The following GTF2A1L variants were observed in gnomAD, a reference collection of about 807,000 sequenced individuals.
GTF2A1L encodes the protein TFIIA-alpha and beta-like factor.
GTF2A1L carries 48 observed loss-of-function variants against 49.7 expected under a neutral mutation model. The observed-to-expected ratio is 0.97, with a 90% CI of 0.77 to 1.23. The LOEUF (loss-of-function observed/expected upper bound fraction) is 1.23. GTF2A1L is among the 50% of genes most tolerant of loss of function. The pLI is 0.00. For missense variants in GTF2A1L, 736 were observed against 564.8 expected (o/e 1.30, Z -3.07); for synonymous variants, 246 against 193.5 (o/e 1.27, Z -2.25).
At chr2:48,655,990 G>T (rs1353821328) in intron 6 of GTF2A1L, among the ~76,000 whole-genome samples, 2 of 152,140 alleles carry the variant, frequency 1.3e-5, no homozygotes, top group African/African-American at 2.4e-5. Flanking sequence ...GTTCATCCAT[G>T]TTGTAGCATG....
intron 3 of GTF2A1L, among the ~76,000 whole-genome samples, chr2:48,622,415 A>G (rs12992968): frequency 0.075 from 11,442 of 152,200 alleles, 498 homozygotes; most frequent in Non-Finnish European, 0.1. Context: ...TTAAACTACT[A>G]TTTCATTGGG....
At chr2:48,676,101 C>T (rs1395727709) in intron 8 of GTF2A1L, among the ~76,000 whole-genome samples, 3 of 151,792 alleles carry the variant, frequency 2.0e-5, no homozygotes, top group African/African-American at 7.2e-5. Flanking sequence ...AATACAAATA[C>T]AAAAGATAGC....
intron 6 of GTF2A1L, among the ~76,000 whole-genome samples, chr2:48,650,064 T>C (rs1309319043): frequency 6.6e-6 from 1 of 152,198 alleles, no homozygotes. Flanking sequence ...TCCTTCATTA[T>C]TAAATTGGAT....
intron 3 of GTF2A1L, among the ~76,000 whole-genome samples, chr2:48,629,010 G>A (rs1676436484): frequency 7.0e-6 from 1 of 143,310 alleles, no homozygotes; most frequent in African/African-American, 2.5e-5. Context: ...TTGGGAGGCC[G>A]AGGTGGGCGG....
chr2:48,662,926 G>C (rs1180505192), intron 6 of GTF2A1L, among the ~76,000 whole-genome samples: 1 of 152,038 alleles, frequency 6.6e-6, no homozygotes, highest in Non-Finnish European at 1.5e-5. Context: ...GAGTGTAGGA[G>C]GAGGGAGACG....
chr2:48,667,379 T>G (rs1678912817), intron 6 of GTF2A1L, among the ~76,000 whole-genome samples: 1 of 152,194 alleles, frequency 6.6e-6, no homozygotes, highest in African/African-American at 2.4e-5. Flanking sequence ...ATGTCCCATC[T>G]GTAAGGGCTG....
At chr2:48,664,848 T>A (rs1275010706) in intron 6 of GTF2A1L, among the ~76,000 whole-genome samples, 1 of 152,190 alleles carries the variant, frequency 6.6e-6, no homozygotes, top group Non-Finnish European at 1.5e-5. Flanking sequence ...TTCTTAATAC[T>A]GTTTGCTTGT....
At chr2:48,663,825 T>G (rs957432918) in intron 6 of GTF2A1L, among the ~76,000 whole-genome samples, 10 of 151,952 alleles carry the variant, frequency 6.6e-5, no homozygotes, top group Admixed American at 6.5e-4. Flanking sequence ...AGAGATAAGG[T>G]TGGTCTTGAA....
chr2:48,624,762 GTT>G (rs60667688), intron 3 of GTF2A1L, among the ~76,000 whole-genome samples: 132,242 of 137,852 alleles, frequency 0.96, 64,037 homozygotes, highest in East Asian at 0.99. Flanking sequence ...TGTATTTGTG[GTT>G]TTTTTTTTTT....
chr2:48,648,414 G>C (rs989814262), intron 6 of GTF2A1L, among the ~76,000 whole-genome samples: 1 of 152,020 alleles, frequency 6.6e-6, no homozygotes, highest in Non-Finnish European at 1.5e-5. Flanking sequence ...GGTGTGATGA[G>C]TCAAGGACTT....
chr2:48,623,780 G>A (rs574087049), intron 3 of GTF2A1L, among the ~76,000 whole-genome samples: 14 of 152,180 alleles, frequency 9.2e-5, no homozygotes, highest in African/African-American at 3.4e-4. Context: ...GTGTTGCTGG[G>A]GCCATTATCC....
At chr2:48,626,577 A>C (rs953941190) in intron 3 of GTF2A1L, among the ~76,000 whole-genome samples, 1 of 143,126 alleles carries the variant, frequency 7.0e-6, no homozygotes, top group African/African-American at 2.5e-5. Flanking sequence ...TTCAGTGTAC[A>C]TATCTTTTTT....
chr2:48,660,906 G>A (rs1224434569), intron 6 of GTF2A1L, among the ~76,000 whole-genome samples: 1 of 152,172 alleles, frequency 6.6e-6, no homozygotes, highest in Non-Finnish European at 1.5e-5. Context: ...CTCTCAGAGT[G>A]TTGTGATTAC....
chr2:48,657,841 T>A (rs1054448815), intron 6 of GTF2A1L, among the ~76,000 whole-genome samples: 4 of 152,178 alleles, frequency 2.6e-5, no homozygotes, highest in South Asian at 4.1e-4. Context: ...TGATTTGTAT[T>A]TCTCTGATGA....
At chr2:48,662,061 T>C (rs1003444900) in intron 6 of GTF2A1L, among the ~76,000 whole-genome samples, 2 of 152,224 alleles carry the variant, frequency 1.3e-5, no homozygotes, top group African/African-American at 4.8e-5. Context: ...ATTTTCTTTG[T>C]GGTTACCACG....
intron 1 of GTF2A1L, 132 bp from the exon 2 acceptor site, chr2:48,620,719 G>A (rs1163153605): frequency 7.0e-6 from 3 of 427,918 alleles, no homozygotes; most frequent in Non-Finnish European, 9.7e-6. Context: ...GGAAATTGCA[G>A]TGAACTGAGT....
intron 8 of GTF2A1L, among the ~76,000 whole-genome samples, chr2:48,677,651 A>G (rs1679543079): frequency 6.6e-6 from 1 of 151,998 alleles, no homozygotes; most frequent in Non-Finnish European, 1.5e-5. Flanking sequence ...TAGTAGACTG[A>G]AGTGGGTGTT....
chr2:48,630,748 C>T (rs924268855), intron 3 of GTF2A1L, among the ~76,000 whole-genome samples: 1 of 105,356 alleles, frequency 9.5e-6, no homozygotes, highest in African/African-American at 2.9e-5. Flanking sequence ...GTGAGTTTGT[C>T]ATAGATGGCT....
Position 48,642,448 on chromosome 2 carries a change from A to G in GTF2A1L, c.294A>G (p.Thr98=), listed in dbSNP as rs760156896. ...GTAGAACTCTTCCAAGTTTTACCAC[A>G]GCAGAACTGGTATGTAGCTTACTTA... ...PAGRTLPSFT[T]AELGTSNSSA... is the part of the protein sequence containing the mutation. The change falls in exon 4 of 9, where the codon ACA becomes ACG. Residue 98 remains threonine (T), a synonymous_variant. Coordinates refer to ENST00000403751, the MANE Select transcript of GTF2A1L (RefSeq NM_006872.5). The G allele has an allele frequency of 6.3e-7, 1 of 1,591,184 alleles. No homozygotes were observed. The highest frequency in any genetic ancestry group is 8.6e-7 in the Non-Finnish European group (1 of 1,165,038).
Sources: allele counts gnomAD v4.1 joint callset (sites outside exome capture counted in the v4.1 genomes callset), GRCh38; gene constraint gnomAD v4.1.1; transcripts MANE v1.5; gene names NCBI Gene and HGNC (gene_info 2026-07-23, HGNC 2026-07-21).